The following SEL1L3 variants were observed in gnomAD, a reference collection of about 807,000 sequenced individuals.
SEL1L3 encodes protein sel-1 homolog 3.
A neutral mutation model predicts 142.8 loss-of-function variants in SEL1L3; 76 were observed. That is an observed-to-expected ratio of 0.53 (90% CI 0.44 to 0.64). The LOEUF is 0.64. Ranked by LOEUF, SEL1L3 falls within the 30% of genes least tolerant of loss-of-function variation. SEL1L3 has a pLI of 0.00. For synonymous variants in SEL1L3, 504 were observed against 519.6 expected (o/e 0.97, Z 0.41); for missense variants, 1,262 against 1,381.7 (o/e 0.91, Z 1.37).
the SEL1L3 span, among the ~76,000 whole-genome samples, chr4:25,733,759 C>T: frequency 6.6e-6 from 1 of 152,074 alleles, no homozygotes; most frequent in Non-Finnish European, 1.5e-5. Flanking sequence ...GATTTCCCTC[C>T]CACCTCCGGC....
chr4:25,763,766 G>C (rs1243332609), intron 20 of SEL1L3, among the ~76,000 whole-genome samples: 1 of 152,112 alleles, frequency 6.6e-6, no homozygotes, highest in East Asian at 1.9e-4. Flanking sequence ...CTTGAGCCTG[G>C]GGGACCAAGG....
the SEL1L3 span, chr4:25,718,726 C>G: frequency 6.6e-6 from 1 of 152,118 alleles, no homozygotes; most frequent in Non-Finnish European, 1.5e-5. Flanking sequence ...AACTGCCTAG[C>G]TTTAGGAGTA....
At chr4:25,791,138 G>A (rs1358788319) in intron 11 of SEL1L3, among the ~76,000 whole-genome samples, 3 of 152,158 alleles carry the variant, frequency 2.0e-5, no homozygotes, top group African/African-American at 2.4e-5. Flanking sequence ...AATCAAAAAG[G>A]CAAATCAATA....
intron 1 of SEL1L3, among the ~76,000 whole-genome samples, chr4:25,850,178 C>T (rs1284727021): frequency 6.6e-6 from 1 of 152,002 alleles, no homozygotes; most frequent in Non-Finnish European, 1.5e-5. Context: ...GAGTCCCAGC[C>T]CAACGAATGT....
chr4:25,858,539 T>G (rs192819686), intron 1 of SEL1L3, among the ~76,000 whole-genome samples: 3 of 152,236 alleles, frequency 2.0e-5, no homozygotes, highest in East Asian at 1.9e-4. Context: ...GTTCTGTTTT[T>G]TTGTTGTTGT....
intron 13 of SEL1L3, among the ~76,000 whole-genome samples, chr4:25,787,527 C>G (rs1008744007): frequency 1.3e-5 from 2 of 152,184 alleles, no homozygotes; most frequent in African/African-American, 4.8e-5. Context: ...ACCATGTTGG[C>G]CAGGCTTGTC....
chr4:25,847,889 G>C (rs1255725260), intron 1 of SEL1L3, 25 bp from the exon 2 acceptor site: 2 of 1,384,770 alleles, frequency 1.4e-6, no homozygotes, highest in Non-Finnish European at 1.9e-6. Context: ...AAGAAAGTAA[G>C]AAATACAGAA....
intron 17 of SEL1L3, among the ~76,000 whole-genome samples, chr4:25,774,178 G>A (rs1172442183): frequency 3.3e-5 from 5 of 152,128 alleles, no homozygotes; most frequent in African/African-American, 9.7e-5. Context: ...GTAGGATTCC[G>A]GGGCAGAGGA....
the SEL1L3 span, among the ~76,000 whole-genome samples, chr4:25,731,678 G>T: frequency 5.9e-5 from 9 of 152,230 alleles, no homozygotes; most frequent in African/African-American, 1.9e-4. Flanking sequence ...CCTTCTTATT[G>T]CTGAATAATA....
chr4:25,849,958 T>C (rs1716775714), intron 1 of SEL1L3, among the ~76,000 whole-genome samples: 1 of 152,186 alleles, frequency 6.6e-6, no homozygotes, highest in Non-Finnish European at 1.5e-5. Context: ...ATAGGCTTTA[T>C]GGAAGAAACG....
downstream of SEL1L3, among the ~76,000 whole-genome samples, chr4:25,743,820 T>C (rs973917604): frequency 2.0e-5 from 3 of 152,180 alleles, no homozygotes; most frequent in Non-Finnish European, 4.4e-5. Flanking sequence ...CAATATTTAT[T>C]TTCCTTTCAC....
the SEL1L3 span, among the ~76,000 whole-genome samples, chr4:25,736,807 C>T: frequency 1.3e-5 from 2 of 152,080 alleles, no homozygotes; most frequent in Non-Finnish European, 2.9e-5. Flanking sequence ...TTGCTTTATA[C>T]ATTTGTCATA....
intron 8 of SEL1L3, 32 bp downstream of exon 8, chr4:25,819,776 T>C: frequency 2.5e-6 from 4 of 1,596,164 alleles, no homozygotes; most frequent in Non-Finnish European, 3.4e-6. Flanking sequence ...TGCACAGAGC[T>C]TAAAACAGCT....
At position 25,843,197 on chromosome 4, in the gene SEL1L3, T is replaced by C. The variant is rs992041010; in HGVS notation, c.733+4097A>G. ...CAGAGTAAGGGGCATGGGTTGATCTTAACTGGGATCAGTGGATTATGGGAG... is the reference window on the plus strand; with the variant it reads ...CAGAGTAAGGGGCATGGGTTGATCTCAACTGGGATCAGTGGATTATGGGAG... On this transcript the variant is annotated intron_variant, in intron 2 of 23. Coordinates refer to ENST00000399878, the MANE Select transcript of SEL1L3 (RefSeq NM_015187.5). Among the ~76,000 whole-genome samples, 19 of 150,396 alleles carry C rather than the reference T, an allele frequency of 1.3e-4. 1 individual carries two copies. Among genetic ancestry groups the C allele is most frequent in the African/African-American group, 4.7e-4 (19 of 40,774 alleles).
chr4:25,720,756 T>C, the SEL1L3 span: 1 of 152,240 alleles, frequency 6.6e-6, no homozygotes, highest in Non-Finnish European at 1.5e-5. Context: ...GAAATATTCC[T>C]AGACTTGTAG....
At chr4:25,819,421 C>T (rs9994063) in intron 8 of SEL1L3, among the ~76,000 whole-genome samples, 3,763 of 152,314 alleles carry the variant, frequency 0.025, 134 homozygotes, top group African/African-American at 0.086. Context: ...TGGCCCAAAA[C>T]AAAAGTGCAC....
At chr4:25,797,129 G>A (rs1712820068) in intron 11 of SEL1L3, among the ~76,000 whole-genome samples, 1 of 150,010 alleles carries the variant, frequency 6.7e-6, no homozygotes, top group African/African-American at 2.5e-5. Context: ...GAAGGAGGGA[G>A]AGAGGAAGGG....
chr4:25,772,370 T>TTATA (rs1371686612), intron 17 of SEL1L3, among the ~76,000 whole-genome samples: 1 of 151,998 alleles, frequency 6.6e-6, no homozygotes, highest in African/African-American at 2.4e-5. Flanking sequence ...AAATAGAAAT[T>TTATA]TATATATGGT....
chr4:25,736,971 CT>C, the SEL1L3 span, among the ~76,000 whole-genome samples: 3 of 149,450 alleles, frequency 2.0e-5, no homozygotes, highest in East Asian at 2.0e-4. Flanking sequence ...ATATGCTACT[CT>C]TTTTTTTTCT....
Sources: gnomAD v4.1 joint callset for allele counts (sites outside exome capture counted in the v4.1 genomes callset) on GRCh38, gnomAD v4.1.1 for gene constraint, MANE v1.5 for transcripts, NCBI Gene and HGNC (gene_info 2026-07-23, HGNC 2026-07-21) for gene names.